Variants in NECTIN3 observed in about 807,000 individuals in gnomAD.
NECTIN3 encodes nectin cell adhesion molecule 3, also known as nectin-3.
A neutral mutation model predicts 49.4 loss-of-function variants in NECTIN3; 8 were observed. The observed-to-expected ratio is 0.16, with a 90% CI of 0.10 to 0.29. The LOEUF (loss-of-function observed/expected upper bound fraction) is 0.29, where lower values mean the gene tolerates loss of function less well. Ranked by LOEUF, NECTIN3 falls within the 10% of genes least tolerant of loss-of-function variation. The pLI, the probability that NECTIN3 is intolerant of heterozygous loss-of-function variation, is 1.00. For missense variants in NECTIN3, 581 were observed against 654.6 expected (o/e 0.89, Z 1.23); for synonymous variants, 277 against 241.1 (o/e 1.15, Z -1.38).
intron 1 of NECTIN3, among the ~76,000 whole-genome samples, chr3:111,104,694 A>G (rs545002965): frequency 3.3e-5 from 5 of 152,226 alleles, no homozygotes; most frequent in Non-Finnish European, 5.9e-5. Context: ...TTTGGTTCTT[A>G]TCAGATATAA....
rs145463820 is a variant in NECTIN3 at position 111,135,886 on chromosome 3, CTTATTATAAGGCTGTAGTATCAGG to C, written c.*1675_*1698del. Reference sequence around the variant, plus strand: ...TTTATTTCTCTTCCCAAAAGTAATACTTATTATAAGGCTGTAGTATCAGGTTAAGGATACAGATAAATAAAGTTC... The same window carrying C: ...TTTATTTCTCTTCCCAAAAGTAATACTTAAGGATACAGATAAATAAAGTTC... On this transcript the variant is annotated 3_prime_UTR_variant, in exon 6 of 6. Coordinates refer to ENST00000485303, the MANE Select transcript of NECTIN3 (RefSeq NM_015480.3). 0.059 allele frequency: 53,872 copies of C among 918,512 alleles called. 6,997 individuals are homozygous for C. The highest frequency in any genetic ancestry group is 0.47 in the African/African-American group (25,934 of 54,848). 56.9% of individuals were successfully genotyped at this position (918,512 alleles called of 1,614,324 possible). A position where few individuals can be genotyped will look rare whatever the true frequency, so the allele number is the denominator to read the frequency against.
At chr3:111,158,939 T>C (rs138116597) in intron 7 of NECTIN3, among the ~76,000 whole-genome samples, 164 of 152,272 alleles carry the variant, frequency 1.1e-3, no homozygotes, top group African/African-American at 3.8e-3. Context: ...ATTTAGACTT[T>C]TTGTCAAAAT....
At chr3:111,072,360 A>G (rs1448228962) in intron 1 of NECTIN3, 183 bp downstream of exon 1, 6 of 1,476,338 alleles carry the variant, frequency 4.1e-6, no homozygotes, top group South Asian at 1.4e-5. Context: ...GGGCCAGGCC[A>G]GCGAATGCTG....
rs974209880 is a variant in NECTIN3, at chr3:111,137,512, G to A, written c.*3297G>A. The A allele has an allele frequency of 2.1e-6, 2 of 973,928 alleles. No individual in the cohort carries two copies. The highest frequency in any genetic ancestry group is 2.4e-6 in the Non-Finnish European group (2 of 821,900). 60.3% of individuals were successfully genotyped at this position (973,928 alleles called of 1,614,324 possible). On this transcript the variant is annotated 3_prime_UTR_variant, in exon 6 of 6. Transcript: ENST00000485303. ...TGTGTATTAGGTGTTAGCCCCAATA[G>A]CCATGCATGAAATCTTTAAATAAAA... is the stretch of plus-strand genomic sequence containing the variant.
chr3:111,135,631 G>C lies in NECTIN3; in HGVS notation c.*1416G>C. The C allele has an allele frequency of 3.1e-6, 3 of 963,356 alleles. No individual in the cohort carries two copies. The highest frequency in any genetic ancestry group is 3.7e-6 in the Non-Finnish European group (3 of 810,112). 59.7% of individuals were successfully genotyped at this position (963,356 alleles called of 1,614,324 possible). On this transcript the variant is annotated 3_prime_UTR_variant, in exon 6 of 6. Transcript: ENST00000485303. ...TGAAATGAAGTGGAAGTTAGTAGGA[G>C]AATCATAAATTAAATATATTATTTT...
At chr3:111,146,004 A>G (rs2034865301) in intron 6 of NECTIN3, among the ~76,000 whole-genome samples, 1 of 152,122 alleles carries the variant, frequency 6.6e-6, no homozygotes, top group Non-Finnish European at 1.5e-5. Flanking sequence ...TTTTTCACCT[A>G]AATGGCCTAT....
upstream of NECTIN3, among the ~76,000 whole-genome samples, chr3:111,189,675 A>G (rs1319217133): frequency 1.3e-5 from 2 of 152,200 alleles, no homozygotes; most frequent in Admixed American, 1.3e-4. Context: ...ATTTTTTCCC[A>G]AGTGTATTTT....
chr3:111,169,000 A>G (rs370049703), intron 7 of NECTIN3, among the ~76,000 whole-genome samples: 1 of 150,050 alleles, frequency 6.7e-6, no homozygotes, highest in Non-Finnish European at 1.5e-5. Flanking sequence ...GAAAACATAT[A>G]CTTTTCTTTA....
chr3:111,178,373 A>G (rs1202230303), intron 7 of NECTIN3, among the ~76,000 whole-genome samples: 3 of 152,186 alleles, frequency 2.0e-5, no homozygotes, highest in South Asian at 4.1e-4. Flanking sequence ...GGGACTAGAC[A>G]TTGCATTTTG....
chr3:111,182,208 C>T (rs1264439976), intron 7 of NECTIN3, among the ~76,000 whole-genome samples: 1 of 151,918 alleles, frequency 6.6e-6, no homozygotes, highest in Non-Finnish European at 1.5e-5. Flanking sequence ...TGTTTCACTT[C>T]AATCTTTTAA....
At chr3:111,171,733 G>C (rs951571021) in intron 7 of NECTIN3, among the ~76,000 whole-genome samples, 1 of 150,762 alleles carries the variant, frequency 6.6e-6, no homozygotes, top group Admixed American at 6.6e-5. Context: ...CTTCAAAACA[G>C]TTCAAAGATA....
Position 111,089,003 on chromosome 3 carries a change from CAGAT to C in NECTIN3, c.160+16827_160+16830del, listed in dbSNP as rs201801377. ...ATATCTTAATAATTATAGTACTAGT[CAGAT>C]TGATTGTGTCATTTTGGCACTTAGC... On this transcript the variant is annotated intron_variant, in intron 1 of 5. Coordinates refer to ENST00000485303, the MANE Select transcript of NECTIN3 (RefSeq NM_015480.3). Among the ~76,000 whole-genome samples, 77 of 152,110 alleles carry C rather than the reference CAGAT, an allele frequency of 5.1e-4. 1 individual carries two copies. The East Asian group carries it at 0.013, about 26-fold the overall frequency.
At chr3:111,072,420 A>G (rs944903767) in intron 1 of NECTIN3, 9 of 1,526,252 alleles carry the variant, frequency 5.9e-6, no homozygotes, top group Non-Finnish European at 7.9e-6. Context: ...CGCCGTGCGG[A>G]TGGCCGAGGG....
intron 5 of NECTIN3, among the ~76,000 whole-genome samples, chr3:111,126,791 A>G (rs1324275077): frequency 6.6e-6 from 1 of 152,154 alleles, no homozygotes; most frequent in African/African-American, 2.4e-5. Flanking sequence ...ATGGGACTAT[A>G]CCATATTGTG....
downstream of NECTIN3, among the ~76,000 whole-genome samples, chr3:111,141,156 A>T (rs1452725621): frequency 6.6e-6 from 1 of 151,994 alleles, no homozygotes; most frequent in African/African-American, 2.4e-5. Flanking sequence ...ATAAATGTTC[A>T]TGTGGATATA....
downstream of NECTIN3, among the ~76,000 whole-genome samples, chr3:111,141,582 G>A (rs1422801257): frequency 6.6e-6 from 1 of 151,672 alleles, no homozygotes; most frequent in African/African-American, 2.4e-5. Flanking sequence ...TTCCCCATAA[G>A]ACATGTGCAT....
chr3:111,130,795 T>C (rs925901264), intron 5 of NECTIN3, among the ~76,000 whole-genome samples: 1 of 152,152 alleles, frequency 6.6e-6, no homozygotes, highest in Non-Finnish European at 1.5e-5. Flanking sequence ...TCTCAAGAGG[T>C]ATAGTAGCTC....
At chr3:111,075,250 C>T (rs1411611269) in intron 1 of NECTIN3, 1 of 152,066 alleles carries the variant, frequency 6.6e-6, no homozygotes, top group African/African-American at 2.4e-5. Context: ...TAGGTAAAGA[C>T]TTATGAATGT....
intron 1 of NECTIN3, among the ~76,000 whole-genome samples, chr3:111,075,938 G>T (rs1442848706): frequency 1.3e-5 from 2 of 152,040 alleles, no homozygotes; most frequent in East Asian, 1.9e-4. Context: ...TATCAGTTGG[G>T]GTCTATAGTA....
Sources: gnomAD v4.1 joint callset for allele counts (sites outside exome capture counted in the v4.1 genomes callset) on GRCh38, gnomAD v4.1.1 for gene constraint, MANE v1.5 for transcripts, NCBI Gene and HGNC (gene_info 2026-07-23, HGNC 2026-07-21) for gene names.